The following NTM variants were observed in gnomAD, a reference collection of about 807,000 sequenced individuals.
The protein encoded by NTM is IgLON family member 2.
NTM carries 13 observed loss-of-function variants against 42.1 expected under a neutral mutation model. The observed-to-expected ratio is 0.31, with a 90% CI of 0.20 to 0.49. The LOEUF is 0.49. Among genes scored for constraint, NTM ranks in the 20% least tolerant of loss-of-function variants. NTM has a pLI of 0.99. For missense variants in NTM, 373 were observed against 452.8 expected (o/e 0.82, Z 1.60); for synonymous variants, 187 against 179.2 (o/e 1.04, Z -0.35).
At chr11:131,612,540 A>G (rs2061544172) in intron 1 of NTM, among the ~76,000 whole-genome samples, 1 of 152,266 alleles carries the variant, frequency 6.6e-6, no homozygotes, top group Admixed American at 6.5e-5. Context: ...GCAAAGCCTC[A>G]TGGAGGGAAG....
At chr11:131,526,400 T>C (rs546314212) in intron 1 of NTM, among the ~76,000 whole-genome samples, 19 of 152,164 alleles carry the variant, frequency 1.2e-4, no homozygotes, top group Admixed American at 3.3e-4. Context: ...TCACCATAGA[T>C]GGGAGCGTGC....
intron 1 of NTM, among the ~76,000 whole-genome samples, chr11:131,465,962 C>T (rs1951840616): frequency 6.6e-6 from 1 of 152,230 alleles, no homozygotes; most frequent in Non-Finnish European, 1.5e-5. Context: ...GGGCATGGCC[C>T]TTTGAGCGCC....
At chr11:131,695,404 G>A (rs2075327954) in intron 1 of NTM, among the ~76,000 whole-genome samples, 1 of 152,148 alleles carries the variant, frequency 6.6e-6, no homozygotes, top group Non-Finnish European at 1.5e-5. Flanking sequence ...CTTCATGCCG[G>A]CACATGTTTT....
chr11:131,955,987 A>G lies in NTM; in HGVS notation c.167+44339A>G, dbSNP rs1322542858. ...ACAGAACTTGTGAGGGCAGAGGCTG[A>G]GTAGAGGTACTTCCTTTCTGAACAT... On this transcript the variant is annotated intron_variant, in intron 2 of 8. Coordinates refer to ENST00000683400, the MANE Select transcript of NTM (RefSeq NM_001352005.2). Among the ~76,000 whole-genome samples, 3 of 152,338 alleles carry G rather than the reference A, an allele frequency of 2.0e-5. No homozygotes were observed. In the East Asian group the frequency reaches 5.8e-4, roughly 29 times the overall value.
intron 2 of NTM, among the ~76,000 whole-genome samples, chr11:131,974,956 C>T (rs559014379): frequency 4.6e-5 from 7 of 152,210 alleles, no homozygotes; most frequent in South Asian, 2.1e-4. Flanking sequence ...TGTCCTTCTG[C>T]GAGCCTCCAC....
intron 2 of NTM, among the ~76,000 whole-genome samples, chr11:131,993,310 G>T (rs61903471): frequency 0.24 from 35,856 of 152,038 alleles, 4,417 homozygotes; most frequent in Admixed American, 0.28. Flanking sequence ...AGGGCTATCG[G>T]GAAGGTGGAG....
At chr11:131,384,235 A>G (rs1327795480) in intron 1 of NTM, among the ~76,000 whole-genome samples, 1 of 152,220 alleles carries the variant, frequency 6.6e-6, no homozygotes, top group Non-Finnish European at 1.5e-5. Context: ...ATAAAAAAGA[A>G]TTGAGGGCAA....
intron 7 of NTM, among the ~76,000 whole-genome samples, chr11:132,328,255 G>A (rs1253993821): frequency 2.6e-5 from 4 of 152,250 alleles, no homozygotes; most frequent in South Asian, 2.1e-4. Flanking sequence ...TCATTGTGGC[G>A]GGCTAGAAGT....
intron 1 of NTM, among the ~76,000 whole-genome samples, chr11:131,891,473 G>A (rs1347071472): frequency 6.6e-6 from 1 of 152,174 alleles, no homozygotes; most frequent in Non-Finnish European, 1.5e-5. Context: ...TCCAAAAAAA[G>A]AGGCCTTTTC....
chr11:132,022,296 A>G (rs963362616), intron 2 of NTM, among the ~76,000 whole-genome samples: 56 of 152,264 alleles, frequency 3.7e-4, no homozygotes, highest in African/African-American at 1.3e-3. Flanking sequence ...GATTTTGTCA[A>G]TTTTGCTCGA....
chr11:132,302,336 A>G (rs1565427160), intron 4 of NTM, among the ~76,000 whole-genome samples: 1 of 152,376 alleles, frequency 6.6e-6, no homozygotes, highest in East Asian at 1.9e-4. Flanking sequence ...AAAACTAAAT[A>G]TAAATTATAC....
At chr11:132,063,617 A>T (rs1015053) in intron 2 of NTM, among the ~76,000 whole-genome samples, 62,601 of 152,104 alleles carry the variant, frequency 0.41, 13,371 homozygotes, top group South Asian at 0.5. Flanking sequence ...CTAATTGTGC[A>T]GTTATTTCAG....
intron 1 of NTM, among the ~76,000 whole-genome samples, chr11:131,529,743 G>C (rs550583385): frequency 6.6e-6 from 1 of 152,128 alleles, no homozygotes; most frequent in Non-Finnish European, 1.5e-5. Context: ...CTGGAGTGAC[G>C]CCCACCTACC....
chr11:131,914,182 A>C (rs938877836), intron 2 of NTM, among the ~76,000 whole-genome samples: 3 of 152,172 alleles, frequency 2.0e-5, no homozygotes, highest in Non-Finnish European at 4.4e-5. Context: ...TTTTCACGTA[A>C]CCTGACTGTA....
intron 1 of NTM, among the ~76,000 whole-genome samples, chr11:131,402,478 G>T (rs1565466278): frequency 6.6e-6 from 1 of 151,590 alleles, no homozygotes; most frequent in Non-Finnish European, 1.5e-5. Flanking sequence ...CATGGGAAGT[G>T]TCAAAGAAAC....
intron 2 of NTM, among the ~76,000 whole-genome samples, chr11:132,000,967 A>G (rs2069099637): frequency 6.6e-6 from 1 of 152,206 alleles, no homozygotes; most frequent in Non-Finnish European, 1.5e-5. Context: ...GCGAAGTAGG[A>G]AATTCCCAGA....
At chr11:131,823,062 G>C (rs11222803) in intron 1 of NTM, among the ~76,000 whole-genome samples, 19,968 of 151,880 alleles carry the variant, frequency 0.13, 1,619 homozygotes, top group East Asian at 0.4. Context: ...AAATGCACTT[G>C]TTCTTCAATC....
chr11:131,914,691 A>C (rs2055972235), intron 2 of NTM, among the ~76,000 whole-genome samples: 1 of 152,210 alleles, frequency 6.6e-6, no homozygotes, highest in Non-Finnish European at 1.5e-5. Context: ...ACAGCCTGAA[A>C]AGAATTACAA....
chr11:131,497,422 C>T (rs984949658), intron 1 of NTM, among the ~76,000 whole-genome samples: 8 of 152,058 alleles, frequency 5.3e-5, no homozygotes, highest in Non-Finnish European at 8.8e-5. Context: ...CTCCTGACCT[C>T]GTGATCTGCC....
Sources: allele counts gnomAD v4.1 joint callset (sites outside exome capture counted in the v4.1 genomes callset), GRCh38; gene constraint gnomAD v4.1.1; transcripts MANE v1.5; gene names NCBI Gene and HGNC (gene_info 2026-07-23, HGNC 2026-07-21).